RHBDD1: variants seen among roughly 807,000 people sequenced by gnomAD.
RHBDD1 encodes rhomboid-related protein 4.
In RHBDD1, 38 loss-of-function variants were observed where a neutral mutation model predicts 36.3. The ratio of observed to expected loss-of-function variants is 1.05; its 90% CI spans 0.81 to 1.37. The LOEUF (loss-of-function observed/expected upper bound fraction) is 1.37, where lower values mean the gene tolerates loss of function less well. Ranked by LOEUF, RHBDD1 falls within the 40% of genes most tolerant of loss-of-function variation. The pLI is 0.00. For synonymous variants in RHBDD1, 151 were observed against 136.5 expected (o/e 1.11, Z -0.74); for missense variants, 393 against 377.6 (o/e 1.04, Z -0.34).
chr2:226,895,649 C>G (rs777641747), intron 5 of RHBDD1: 1 of 984,714 alleles, frequency 1.0e-6, no homozygotes, highest in Non-Finnish European at 1.2e-6. Flanking sequence ...TTTAGGACAA[C>G]CTGCCATTTT....
Position 226,925,925 on chromosome 2 carries a change from TTG to T in RHBDD1, c.856+11580_856+11581del, listed in dbSNP as rs563661596. Among the ~76,000 whole-genome samples, 382 of 152,036 alleles carry T rather than the reference TTG, an allele frequency of 2.5e-3. 2 individuals are homozygous for T. Among genetic ancestry groups the T allele is most frequent in the African/African-American group, 8.6e-3 (357 of 41,500 alleles). On this transcript the variant is annotated intron_variant, in intron 8 of 8. Transcript: ENST00000392062. ...TCCCAAATTTATTTGAATGTAGAGT[TTG>T]TGTGTTTGTGTGTGTGTGTTTCAGA...
intron 1 of RHBDD1, among the ~76,000 whole-genome samples, chr2:226,836,634 G>C (rs1357193320): frequency 1.3e-5 from 2 of 152,120 alleles, no homozygotes; most frequent in African/African-American, 4.8e-5. Context: ...AGCCTTATTT[G>C]TTTTTCTAAA....
intron 8 of RHBDD1, among the ~76,000 whole-genome samples, chr2:226,926,276 C>T (rs1388757649): frequency 7.9e-5 from 12 of 151,702 alleles, no homozygotes; most frequent in Admixed American, 7.9e-4. Context: ...AACATCATGG[C>T]CACATCAAAG....
rs575019690 is a variant in RHBDD1 at position 226,955,097 on chromosome 2, T to C, written c.857-40334T>C. Among the ~76,000 whole-genome samples, 58 of 152,128 alleles carry C rather than the reference T, an allele frequency of 3.8e-4. 3 individuals carry two copies. In the South Asian group the frequency reaches 0.012, roughly 32 times the overall value. On this transcript the variant is annotated intron_variant, in intron 8 of 8. Transcript: ENST00000392062. The stretch of plus-strand genomic sequence containing the variant: ...CAAGAACTCACAGGACCTTGAGGGC[T>C]CAGGGAGGGTCACTTGGCTGAGGGG...
At chr2:226,906,953 AC>A (rs1559256499) in intron 6 of RHBDD1, 72 bp downstream of exon 6, 1 of 1,499,992 alleles carries the variant, frequency 6.7e-7, no homozygotes, top group Non-Finnish European at 9.3e-7. Context: ...AACAGAAGCA[AC>A]CCCAAGTTTC....
the RHBDD1 span, among the ~76,000 whole-genome samples, chr2:226,816,375 C>CAAAAAAAAA: frequency 1.4e-4 from 9 of 64,916 alleles, no homozygotes; most frequent in East Asian, 4.3e-4. Context: ...GGAATGGTGG[C>CAAAAAAAAA]AAAAAAAAAA....
the RHBDD1 span, among the ~76,000 whole-genome samples, chr2:226,818,152 A>ATTTTTT: frequency 5.2e-4 from 45 of 86,222 alleles, no homozygotes; most frequent in Non-Finnish European, 7.8e-4. Flanking sequence ...TCCAAACAGT[A>ATTTTTT]TTTTTTTTTT....
upstream of RHBDD1, among the ~76,000 whole-genome samples, chr2:226,833,640 G>C (rs562889104): frequency 6.6e-6 from 1 of 152,056 alleles, no homozygotes; most frequent in Non-Finnish European, 1.5e-5. Flanking sequence ...GTGCTGCCTC[G>C]TCTCATGATT....
At chr2:226,831,656 A>G (rs1302235257), upstream of RHBDD1, among the ~76,000 whole-genome samples, 1 of 152,176 alleles carries the variant, frequency 6.6e-6, no homozygotes, top group Admixed American at 6.5e-5. Context: ...ATGTCTCTAG[A>G]ACATGAGATA....
chr2:226,962,995 T>C (rs1305160330), intron 8 of RHBDD1, among the ~76,000 whole-genome samples: 3 of 152,148 alleles, frequency 2.0e-5, no homozygotes, highest in Non-Finnish European at 2.9e-5. Context: ...TGATTCCTTG[T>C]CGAGGTGAGT....
Position 226,998,451 on chromosome 2 carries a change from C to G in RHBDD1, c.*2929C>G, listed in dbSNP as rs901373540. On this transcript the variant is annotated 3_prime_UTR_variant, in exon 9 of 9. Coordinates refer to ENST00000392062, the MANE Select transcript of RHBDD1 (RefSeq NM_001167608.3). ...AGCTGGCAGACCTGGCCTCCTTGTT[C>G]CCAGTCTTAGTTTTTCTTGAGAGAT... 5 of 152,162 alleles carry G rather than the reference C, an allele frequency of 3.3e-5. No homozygotes were observed. The highest frequency in any genetic ancestry group is 7.3e-5 in the Non-Finnish European group (5 of 68,040). The allele number at this position is 152,162 out of a possible 1,614,324, so 9.4% of individuals were successfully genotyped here.
chr2:226,895,600 T>C, intron 5 of RHBDD1: 2 of 863,940 alleles, frequency 2.3e-6, no homozygotes, highest in South Asian at 5.3e-5. Context: ...TCTTGTCCAG[T>C]TATTTTGTGT....
At chr2:226,915,664 T>C (rs763215019) in intron 8 of RHBDD1, among the ~76,000 whole-genome samples, 3 of 152,110 alleles carry the variant, frequency 2.0e-5, no homozygotes, top group Non-Finnish European at 2.9e-5. Context: ...ACAGTGTGCA[T>C]GGAGGTGGGG....
At chr2:226,841,948 G>A (rs555087170) in intron 3 of RHBDD1, among the ~76,000 whole-genome samples, 25 of 152,158 alleles carry the variant, frequency 1.6e-4, no homozygotes, top group Non-Finnish European at 2.4e-4. Flanking sequence ...CTGCAACCTC[G>A]CCAGCATGTG....
At chr2:226,853,715 A>G (rs192346495) in intron 3 of RHBDD1, among the ~76,000 whole-genome samples, 1 of 152,290 alleles carries the variant, frequency 6.6e-6, no homozygotes, top group Non-Finnish European at 1.5e-5. Context: ...TGCATGTGAA[A>G]TTTACTTTCG....
intron 8 of RHBDD1, among the ~76,000 whole-genome samples, chr2:226,926,438 C>T (rs369331681): frequency 1.8e-4 from 27 of 152,152 alleles, no homozygotes; most frequent in African/African-American, 5.8e-4. Flanking sequence ...ATACCGTGCC[C>T]TTTTTATGAT....
At chr2:226,980,445 C>T (rs560603165) in intron 8 of RHBDD1, among the ~76,000 whole-genome samples, 2 of 152,230 alleles carry the variant, frequency 1.3e-5, no homozygotes, top group Admixed American at 6.5e-5. Context: ...TGGTTCTGTG[C>T]CTCTTAGCTC....
intron 8 of RHBDD1, among the ~76,000 whole-genome samples, chr2:226,978,789 GAC>G (rs1376169116): frequency 6.6e-6 from 1 of 152,188 alleles, no homozygotes; most frequent in African/African-American, 2.4e-5. Context: ...GTGATCAGAG[GAC>G]ACAGTCACTT....
At chr2:226,963,170 A>G (rs1952350680) in intron 8 of RHBDD1, among the ~76,000 whole-genome samples, 1 of 75,850 alleles carries the variant, frequency 1.3e-5, no homozygotes, top group Admixed American at 1.7e-4. Context: ...GCTATGCTTG[A>G]GAGTAACTTA....
Sources: gnomAD v4.1 joint callset for allele counts (sites outside exome capture counted in the v4.1 genomes callset) on GRCh38, gnomAD v4.1.1 for gene constraint, MANE v1.5 for transcripts, NCBI Gene and HGNC (gene_info 2026-07-23, HGNC 2026-07-21) for gene names.